GABRA6: variants seen among roughly 807,000 people sequenced by gnomAD.
The protein encoded by GABRA6 is gamma-aminobutyric acid type A receptor subunit alpha6.
GABRA6 carries 45 observed loss-of-function variants against 47.3 expected under a neutral mutation model. That is an observed-to-expected ratio of 0.95 (90% confidence interval 0.75 to 1.22). The LOEUF is 1.22. GABRA6 is among the 50% of genes most tolerant of loss of function. The pLI is 0.00. For missense variants in GABRA6, 583 were observed against 549.3 expected, an observed-to-expected ratio of 1.06 and a Z score of -0.61; for synonymous variants, 219 against 194.7, an observed-to-expected ratio of 1.12 and a Z score of -1.04.
intron 8 of GABRA6, among the ~76,000 whole-genome samples, chr5:161,694,879 C>T (rs1754861729): frequency 6.6e-6 from 1 of 152,082 alleles, no homozygotes; most frequent in African/African-American, 2.4e-5. Flanking sequence ...TCGTGTCAAA[C>T]CTTGGCAAGT....
chr5:161,689,692 G>A lies in GABRA6; in HGVS notation c.586G>A (p.Val196Ile). The change falls in exon 6 of 9, where the codon GTA becomes ATA. Residue 196 changes from valine (V) to isoleucine (I), a missense_variant. Transcript: ENST00000274545. Reference sequence around the variant, plus strand: ...GTGGAAAAAAGGACCACTTTACTCAGTAGAAGTCCCAGAAGAATCTTCAAG... The same window carrying A: ...GTGGAAAAAAGGACCACTTTACTCAATAGAAGTCCCAGAAGAATCTTCAAG... ...YTWKKGPLYS[V>I]EVPEESSSLL... The A allele has an allele frequency of 6.2e-7, 1 of 1,611,204 alleles. No individual in the cohort carries two copies. The highest frequency in any genetic ancestry group is 8.5e-7 in the Non-Finnish European group (1 of 1,177,474).
At chr5:161,699,103 A>C (rs1754934247) in intron 8 of GABRA6, among the ~76,000 whole-genome samples, 1 of 152,166 alleles carries the variant, frequency 6.6e-6, no homozygotes, top group Non-Finnish European at 1.5e-5. Flanking sequence ...TATGGTATTT[A>C]ATGTTTTATA....
chr5:161,686,894 A>G lies in GABRA6; in HGVS notation c.158-42A>G, dbSNP rs368403698. The G allele has an allele frequency of 2.6e-6, 4 of 1,542,790 alleles. No individual in the cohort carries two copies. The African/African-American group carries it at 4.1e-5, about 16-fold the overall frequency. On this transcript the variant is annotated intron_variant, in intron 2 of 8. Coordinates refer to ENST00000274545, the MANE Select transcript of GABRA6 (RefSeq NM_000811.3). ...GAGGGCTGAGATCAATCCCCTTAAC[A>G]TCAGTGGTGATAATTGTTTCATCCC...
rs1277054566 is a variant in GABRA6 at position 161,686,984 on chromosome 5, C to G, written c.206C>G (p.Pro69Arg). ...KTDIYVTSFG[P>R]VSDVEMEYTM... Reference sequence around the variant, plus strand: ...GACATTTATGTGACCAGTTTTGGGCCCGTGTCAGATGTGGAGATGGTGAGT... The same window carrying G: ...GACATTTATGTGACCAGTTTTGGGCGCGTGTCAGATGTGGAGATGGTGAGT... The change falls in exon 3 of 9, where the codon CCC becomes CGC. Residue 69 changes from proline to arginine, a missense_variant. Physicochemically the swap from Pro to Arg is moderately radical, Grantham distance 103 (BLOSUM62 -2). Transcript: ENST00000274545. The G allele has an allele frequency of 6.2e-7, 1 of 1,613,828 alleles. No homozygotes were observed. The highest frequency in any genetic ancestry group is 2.2e-5 in the East Asian group (1 of 44,866).
chr5:161,691,907 C>G (rs1319794336), intron 7 of GABRA6, 34 bp from the exon 8 acceptor site: 1 of 1,598,518 alleles, frequency 6.3e-7, no homozygotes. Flanking sequence ...ATTCCCAGTA[C>G]TAATATTACA....
Position 161,691,980 on chromosome 5 carries a change from G to A in GABRA6, c.866G>A (p.Ser289Asn). ...TTAACTATGACCACTTTGAGCATCA[G>A]TGCCCGGCACTCTTTGCCAAAAGTG... is the stretch of plus-strand genomic sequence containing the variant. ...TVLTMTTLSISARHSLPKVSY... is the reference protein window; with the variant it reads ...TVLTMTTLSINARHSLPKVSY... The change falls in exon 8 of 9, where the codon AGT becomes AAT. Residue 289 changes from serine (S) to asparagine (N), a missense_variant. By Grantham distance (46) the Ser-to-Asn change is conservative (BLOSUM62 1). Coordinates refer to ENST00000274545, the MANE Select transcript of GABRA6 (RefSeq NM_000811.3). 1 of 1,613,918 alleles carries A rather than the reference G, an allele frequency of 6.2e-7. No homozygotes were observed. Among genetic ancestry groups the A allele is most frequent in the Non-Finnish European group, 8.5e-7 (1 of 1,179,854 alleles).
chr5:161,693,001 T>G (rs879504431), intron 8 of GABRA6, among the ~76,000 whole-genome samples: 4 of 152,196 alleles, frequency 2.6e-5, no homozygotes, highest in Non-Finnish European at 4.4e-5. Flanking sequence ...CAGTCATAAA[T>G]TTTTATTTTA....
chr5:161,701,992 AT>A lies in GABRA6; in HGVS notation c.*220del. 1.8e-6 allele frequency: 1 copy of A among 565,084 alleles called. No individual in the cohort carries two copies. 35.0% of individuals were successfully genotyped at this position (565,084 alleles called of 1,614,324 possible). On this transcript the variant is annotated 3_prime_UTR_variant, in exon 9 of 9. Transcript: ENST00000274545. ...TTGCTGAAAAATATGACTTTTCTGT[AT>A]GTTAGAGAAAAACTTTATGAGGATG...
intron 8 of GABRA6, among the ~76,000 whole-genome samples, chr5:161,693,358 A>C (rs967732250): frequency 6.6e-6 from 1 of 152,146 alleles, no homozygotes; most frequent in Non-Finnish European, 1.5e-5. Context: ...ATATAATTTA[A>C]GGATTTTTTA....
At chr5:161,699,670 G>C (rs767924773) in intron 8 of GABRA6, among the ~76,000 whole-genome samples, 22 of 151,302 alleles carry the variant, frequency 1.5e-4, no homozygotes, top group Non-Finnish European at 2.8e-4. Flanking sequence ...CACCATGTTG[G>C]CCAGGCTGGT....
intron 6 of GABRA6, 163 bp downstream of exon 6, chr5:161,689,942 A>C: frequency 1.4e-6 from 1 of 728,974 alleles, no homozygotes; most frequent in South Asian, 1.8e-5. Context: ...AACCAGGTGC[A>C]TATAAAGATT....
chr5:161,701,426 A>G, intron 8 of GABRA6, 72 bp from the exon 9 acceptor site: 1 of 1,496,598 alleles, frequency 6.7e-7, no homozygotes, highest in Non-Finnish European at 9.3e-7. Flanking sequence ...CAATGGTGAA[A>G]GAGTGAATAA....
At position 161,701,520 on chromosome 5, in the gene GABRA6, T is replaced by G. The variant is rs1191047163; in HGVS notation, c.1109T>G (p.Leu370Arg). ...IVLHPDSKYH[L>R]KKRITSLSLP... ...CAGCATCCTGACTCCAAATATCATC[T>G]GAAGAAAAGGATCACTTCTCTGTCT... Residue 370 changes from leucine to arginine, a missense_variant, in exon 9 of 9, where the codon CTG (leucine) becomes CGG (arginine). Transcript: ENST00000274545. 1 of 1,614,100 alleles carries G rather than the reference T, an allele frequency of 6.2e-7. No individual in the cohort carries two copies. Among genetic ancestry groups the G allele is most frequent in the East Asian group, 2.2e-5 (1 of 44,898 alleles).
chr5:161,698,589 G>A (rs1392549297), intron 8 of GABRA6, among the ~76,000 whole-genome samples: 1 of 151,862 alleles, frequency 6.6e-6, no homozygotes, highest in African/African-American at 2.4e-5. Flanking sequence ...TTTAAATCAT[G>A]CCTTTTTCTT....
chr5:161,688,272 AGTT>A (rs1754732459), intron 3 of GABRA6, among the ~76,000 whole-genome samples: 2 of 152,170 alleles, frequency 1.3e-5, no homozygotes, highest in South Asian at 2.1e-4. Context: ...TATAATTACA[AGTT>A]GTTATTTGTT....
chr5:161,696,826 C>T lies in GABRA6; in HGVS notation c.1086+4626C>T, dbSNP rs559232476. Among the ~76,000 whole-genome samples, 12 of 152,234 alleles carry T rather than the reference C, an allele frequency of 7.9e-5. 1 individual carries two copies. In the South Asian group the frequency reaches 8.3e-4, roughly 11 times the overall value. ...TAATATGATGACTTTTGCAAACTAT[C>T]AATACTGTTTTCAAAAAAATATTTT... On this transcript the variant is annotated intron_variant, in intron 8 of 8. Transcript: ENST00000274545.
At chr5:161,689,525 TA>T (rs1235091392) in intron 5 of GABRA6, 110 bp from the exon 6 acceptor site, 45 of 1,131,920 alleles carry the variant, frequency 4.0e-5, no homozygotes, top group Non-Finnish European at 5.6e-5. Context: ...AAGAAAACAT[TA>T]AATACAATCT....
chr5:161,691,205 T>C (rs1220697934), intron 7 of GABRA6, among the ~76,000 whole-genome samples: 1 of 151,796 alleles, frequency 6.6e-6, no homozygotes, highest in East Asian at 1.9e-4. Flanking sequence ...CTAATATTTA[T>C]ACCATATTTA....
chr5:161,693,249 T>C (rs1460676803), intron 8 of GABRA6, among the ~76,000 whole-genome samples: 1 of 152,200 alleles, frequency 6.6e-6, no homozygotes, highest in African/African-American at 2.4e-5. Context: ...AAGGTGATCA[T>C]TTTCTTATTG....
Sources: gnomAD v4.1 joint callset for allele counts (sites outside exome capture counted in the v4.1 genomes callset) on GRCh38, gnomAD v4.1.1 for gene constraint, MANE v1.5 for transcripts, NCBI Gene and HGNC (gene_info 2026-07-23, HGNC 2026-07-21) for gene names.